Variants in NRP2 observed in about 807,000 individuals in gnomAD.
The protein encoded by NRP2 is neuropilin-2.
NRP2 carries 52 observed loss-of-function variants against 110.4 expected under a neutral mutation model. The observed-to-expected ratio is 0.47, with a 90% CI of 0.38 to 0.59. The LOEUF (loss-of-function observed/expected upper bound fraction) is 0.59. Among genes scored for constraint, NRP2 ranks in the 20% least tolerant of loss-of-function variants. The pLI is 0.00. For missense variants in NRP2, 1,049 were observed against 1,203.0 expected, an observed-to-expected ratio of 0.87 and a Z score of 1.89; for synonymous variants, 508 against 468.9, an observed-to-expected ratio of 1.08 and a Z score of -1.08.
At chr2:205,740,482 G>C (rs749109922) in intron 7 of NRP2, 37 bp from the exon 8 acceptor site, 3 of 1,613,344 alleles carry the variant, frequency 1.9e-6, no homozygotes, top group South Asian at 2.2e-5. Flanking sequence ...CTACAAACAG[G>C]GGTTTCAATA....
chr2:205,781,547 C>T (rs901912424), intron 15 of NRP2, among the ~76,000 whole-genome samples: 6 of 152,230 alleles, frequency 3.9e-5, no homozygotes, highest in African/African-American at 1.4e-4. Flanking sequence ...TCTGCACAAA[C>T]GTGTGGCCTT....
chr2:205,682,654 C>G lies in NRP2; in HGVS notation c.-637C>G. 6.0e-6 allele frequency: 1 copy of G among 166,900 alleles called. No individual in the cohort carries two copies. Among genetic ancestry groups the G allele is most frequent in the South Asian group, 1.6e-4 (1 of 6,308 alleles). The allele number at this position is 166,900 out of a possible 1,614,324, so 10.3% of individuals were successfully genotyped here. A position where few individuals can be genotyped will look rare whatever the true frequency, so the allele number is the denominator to read the frequency against. On this transcript the variant is annotated 5_prime_UTR_variant, in exon 1 of 17. Coordinates refer to ENST00000357785, the MANE Select transcript of NRP2 (RefSeq NM_003872.3). This position sits in a 1 kb window ranked among gnomAD's most constrained non-coding sequence, Gnocchi z 4.3. Reference sequence around the variant, plus strand: ...GATCCCAGCCGCCACCGCCGCCGCACCAGCAGCAGCAACAGCAGCAGCAGC... The same window carrying G: ...GATCCCAGCCGCCACCGCCGCCGCAGCAGCAGCAGCAACAGCAGCAGCAGC...
intron 3 of NRP2, among the ~76,000 whole-genome samples, chr2:205,721,397 G>A (rs1427167409): frequency 1.3e-5 from 2 of 152,050 alleles, no homozygotes; most frequent in African/African-American, 4.8e-5. Context: ...AATTCTAATT[G>A]TCCAGCACTT....
In NRP2 at chr2:205,707,054, T is replaced by G. The variant is rs112232917; in HGVS notation, c.252-9139T>G. Among the ~76,000 whole-genome samples the G allele has an allele frequency of 9.2e-5, 14 of 152,354 alleles. 2 individuals carry two copies. Among genetic ancestry groups the G allele is most frequent in the African/African-American group, 3.1e-4 (13 of 41,578 alleles). On this transcript the variant is annotated intron_variant, in intron 2 of 16. Transcript: ENST00000357785. Reference sequence around the variant, plus strand: ...CCCTTTCTTGTAGAAGCTCATGTCCTTTCTAAACATCTTTCTTCATGGTCT... The same window carrying G: ...CCCTTTCTTGTAGAAGCTCATGTCCGTTCTAAACATCTTTCTTCATGGTCT...
Position 205,765,355 on chromosome 2 carries a change from C to T in NRP2, c.2308-119C>T, listed in dbSNP as rs2057897051. 3.6e-6 allele frequency: 3 copies of T among 826,678 alleles called. No individual in the cohort carries two copies. The South Asian group carries it at 4.0e-5, about 11-fold the overall frequency. 51.2% of individuals were successfully genotyped at this position (826,678 alleles called of 1,614,324 possible). On this transcript the variant is annotated intron_variant, in intron 13 of 16. Coordinates refer to ENST00000357785, the MANE Select transcript of NRP2 (RefSeq NM_003872.3). The stretch of plus-strand genomic sequence containing the variant: ...GATGTGTACCAGGTGCAATAACACA[C>T]ACACACACACACATACACACACACG...
rs554276158 is a variant in NRP2 at position 205,798,052 on chromosome 2, A to G, written c.*2994A>G. 1 of 152,746 alleles carries G rather than the reference A, an allele frequency of 6.5e-6. No homozygotes were observed. Among genetic ancestry groups the G allele is most frequent in the East Asian group, 1.9e-4 (1 of 5,190 alleles). The allele number at this position is 152,746 out of a possible 1,614,324, so 9.5% of individuals were successfully genotyped here. The stretch of plus-strand genomic sequence containing the variant: ...TGTGATTCTTCAATGTAAAAAATAA[A>G]CAACAATGTCAAACTGTGTTTATAT... On this transcript the variant is annotated 3_prime_UTR_variant, in exon 17 of 17. Coordinates refer to ENST00000357785, the MANE Select transcript of NRP2 (RefSeq NM_003872.3).
chr2:205,697,493 A>C, intron 1 of NRP2, 51 bp from the exon 2 acceptor site: 1 of 1,517,984 alleles, frequency 6.6e-7, no homozygotes, highest in Non-Finnish European at 9.2e-7. Flanking sequence ...TGTGGGGGGA[A>C]GAAAGTTGTA....
intron 15 of NRP2, among the ~76,000 whole-genome samples, chr2:205,790,856 G>T (rs1463945541): frequency 1.3e-5 from 2 of 152,222 alleles, no homozygotes; most frequent in African/African-American, 4.8e-5. Flanking sequence ...GGTGCCACTT[G>T]CTGTGCTTTA....
At chr2:205,789,720 G>T (rs1396931522) in intron 15 of NRP2, among the ~76,000 whole-genome samples, 6 of 152,116 alleles carry the variant, frequency 3.9e-5, no homozygotes, top group African/African-American at 9.7e-5. Context: ...GCCACACCTT[G>T]CCTATTCTTT....
chr2:205,720,637 A>T (rs2056991953), intron 3 of NRP2, among the ~76,000 whole-genome samples: 1 of 152,204 alleles, frequency 6.6e-6, no homozygotes, highest in Middle Eastern at 3.2e-3. Context: ...CCGCATGAAG[A>T]ATGCTGCACA....
intron 11 of NRP2, among the ~76,000 whole-genome samples, chr2:205,750,554 C>A (rs1332556591): frequency 6.6e-6 from 1 of 152,140 alleles, no homozygotes; most frequent in Non-Finnish European, 1.5e-5. Flanking sequence ...TAGATAAAAA[C>A]AATAATTGGC....
Position 205,722,459 on chromosome 2 carries a change from A to C in NRP2, c.434-19A>C, listed in dbSNP as rs905895518. 6.3e-6 allele frequency: 10 copies of C among 1,588,560 alleles called. No homozygotes were observed. The African/African-American group carries it at 1.3e-4, about 21-fold the overall frequency. On this transcript the variant is annotated intron_variant, in intron 3 of 16. Transcript: ENST00000357785. ...AAAGGCATCTTCTTCTTAGTGCTACAGTTCTCTTTTACATACAGGCTCTGA... is the reference window on the plus strand; with the variant it reads ...AAAGGCATCTTCTTCTTAGTGCTACCGTTCTCTTTTACATACAGGCTCTGA...
chr2:205,784,411 G>C (rs2058213261), intron 15 of NRP2, among the ~76,000 whole-genome samples: 1 of 152,220 alleles, frequency 6.6e-6, no homozygotes, highest in Admixed American at 6.5e-5. Context: ...GATTTCAGGG[G>C]CTGGTGTGGG....
At chr2:205,698,054 G>C in intron 2 of NRP2, 1 of 387,796 alleles carries the variant, frequency 2.6e-6, no homozygotes, top group Non-Finnish European at 4.9e-6. Flanking sequence ...CCTTGCACTT[G>C]GAGATCTCCC....
At chr2:205,698,808 C>T (rs1007744871) in intron 2 of NRP2, among the ~76,000 whole-genome samples, 1 of 152,230 alleles carries the variant, frequency 6.6e-6, no homozygotes, top group African/African-American at 2.4e-5. Context: ...ATTGTCTAAG[C>T]ATTCCTTGCT....
At chr2:205,792,194 G>T (rs376116306) in intron 15 of NRP2, 41 bp from the exon 16 acceptor site, 1 of 1,380,840 alleles carries the variant, frequency 7.2e-7, no homozygotes, top group African/African-American at 1.4e-5. Context: ...CATGGTGATA[G>T]AACTTGTTAT....
chr2:205,740,647 C>T lies in NRP2; in HGVS notation c.1275C>T (p.Phe425=), dbSNP rs142043280. 1.9e-3 allele frequency: 3,128 copies of T among 1,614,128 alleles called. 14 individuals carry two copies. The highest frequency in any genetic ancestry group is 2.0e-3 in the Non-Finnish European group (2,389 of 1,180,000). ...GTATCGCCCTCCGGCTGGAGCTCTT[C>T]GGCTGCCGGGTCACAGGTGAGGTGG... ...HSGIALRLEL[F]GCRVTDAPCS... The change falls in exon 8 of 17, where the codon TTC becomes TTT. Residue 425 remains phenylalanine (F), a synonymous_variant. Transcript: ENST00000357785.
At chr2:205,700,181 G>T (rs989983848) in intron 2 of NRP2, among the ~76,000 whole-genome samples, 1 of 152,102 alleles carries the variant, frequency 6.6e-6, no homozygotes, top group Non-Finnish European at 1.5e-5. Context: ...TCTTGTTCCG[G>T]CTCTCCCTCT....
intron 2 of NRP2, among the ~76,000 whole-genome samples, chr2:205,700,136 G>A (rs892054859): frequency 6.6e-6 from 1 of 152,142 alleles, no homozygotes; most frequent in African/African-American, 2.4e-5. Flanking sequence ...CTTGTGAAAG[G>A]AACAATTAAT....
Sources: allele counts gnomAD v4.1 joint callset (sites outside exome capture counted in the v4.1 genomes callset), GRCh38; gene constraint gnomAD v4.1.1; non-coding constraint Gnocchi (gnomAD v3.1); transcripts MANE v1.5; gene names NCBI Gene and HGNC (gene_info 2026-07-23, HGNC 2026-07-21).